Variants in SLC12A7 observed in about 807,000 individuals in gnomAD.
SLC12A7 encodes solute carrier family 12 member 7.
Under a neutral mutation model 120.6 loss-of-function variants are expected in SLC12A7, and 100 were observed. The observed-to-expected ratio is 0.83, with a 90% CI of 0.71 to 0.98. The LOEUF is 0.98. Ranked by LOEUF, SLC12A7 falls within the 50% of genes least tolerant of loss-of-function variation. The pLI is 0.00. For missense variants in SLC12A7, 1,373 were observed against 1,548.1 expected (o/e 0.89, Z 1.90); for synonymous variants, 760 against 678.0 (o/e 1.12, Z -1.88).
At chr5:1,126,619 C>T in the SLC12A7 span, among the ~76,000 whole-genome samples, 1 of 152,160 alleles carries the variant, frequency 6.6e-6, no homozygotes, top group Admixed American at 6.6e-5. Flanking sequence ...GTTATCTTTC[C>T]TGATCCTTCC....
At chr5:1,074,805 A>AG in intron 15 of SLC12A7, 134 bp from the exon 16 acceptor site, 1 of 804,838 alleles carries the variant, frequency 1.2e-6, no homozygotes, top group Non-Finnish European at 2.0e-6. Flanking sequence ...ATGAGGAGGG[A>AG]GGCCTCCATG....
At chr5:1,150,803 C>T in the SLC12A7 span, among the ~76,000 whole-genome samples, 2 of 152,220 alleles carry the variant, frequency 1.3e-5, no homozygotes, top group African/African-American at 2.4e-5. Context: ...GAGCCTGCCC[C>T]GTGGGGCTGG....
chr5:1,124,682 C>T, the SLC12A7 span, among the ~76,000 whole-genome samples: 4 of 152,100 alleles, frequency 2.6e-5, no homozygotes, highest in Admixed American at 1.3e-4. Flanking sequence ...AGTCCCTGAT[C>T]GCAGCAGACC....
chr5:1,097,523 A>G (rs935962195), intron 1 of SLC12A7, among the ~76,000 whole-genome samples: 6 of 152,188 alleles, frequency 3.9e-5, no homozygotes, highest in African/African-American at 1.2e-4. Flanking sequence ...CGATGTAACC[A>G]CCACAGGGTC....
chr5:1,087,187 G>T (rs532891885), intron 5 of SLC12A7, among the ~76,000 whole-genome samples, 154 bp from the exon 6 acceptor site: 25 of 152,332 alleles, frequency 1.6e-4, no homozygotes, highest in Non-Finnish European at 3.2e-4. Context: ...ACATGGAGAC[G>T]CTTCCACGGT....
At chr5:1,082,241 T>C (rs9686461) in intron 8 of SLC12A7, among the ~76,000 whole-genome samples, 14 of 140,414 alleles carry the variant, frequency 1.0e-4, no homozygotes, top group African/African-American at 3.8e-4. Context: ...CTGGAAAGCC[T>C]GGGCTTCCTC....
chr5:1,127,213 C>T, the SLC12A7 span, among the ~76,000 whole-genome samples: 2 of 152,158 alleles, frequency 1.3e-5, no homozygotes, highest in Admixed American at 6.5e-5. Flanking sequence ...CGGGGTTTCA[C>T]TGTGTTGACC....
At chr5:1,115,054 C>T (rs1302799829), upstream of SLC12A7, among the ~76,000 whole-genome samples, 1 of 152,212 alleles carries the variant, frequency 6.6e-6, no homozygotes, top group East Asian at 1.9e-4. Flanking sequence ...GCTGATGAAA[C>T]ACATTGGTGG....
the SLC12A7 span, among the ~76,000 whole-genome samples, chr5:1,122,360 C>T: frequency 1.2e-3 from 181 of 152,336 alleles, no homozygotes; most frequent in African/African-American, 4.2e-3. Context: ...AGCACAGCCC[C>T]CGCCACTGCG....
rs556545276 is a variant in SLC12A7 at position 1,089,239 on chromosome 5, G to C, written c.343-111C>G. 8 of 1,186,638 alleles carry C rather than the reference G, an allele frequency of 6.7e-6. No homozygotes were observed. The East Asian group carries it at 1.5e-4, about 22-fold the overall frequency. The allele number at this position is 1,186,638 out of a possible 1,614,324, so 73.5% of individuals were successfully genotyped here. A position where few individuals can be genotyped will look rare whatever the true frequency, so the allele number is the denominator to read the frequency against. On this transcript the variant is annotated intron_variant, in intron 3 of 23. Coordinates refer to ENST00000264930, the MANE Select transcript of SLC12A7 (RefSeq NM_006598.3). Reference sequence around the variant, plus strand: ...AGGCAAAGCGGCCGTGGGGGCAGGAGGGGGCAGGAGTCCTTCCCAGAACAG... The same window carrying C: ...AGGCAAAGCGGCCGTGGGGGCAGGACGGGGCAGGAGTCCTTCCCAGAACAG...
At chr5:1,149,001 C>T in the SLC12A7 span, among the ~76,000 whole-genome samples, 11 of 152,008 alleles carry the variant, frequency 7.2e-5, no homozygotes, top group East Asian at 1.9e-4. Context: ...TTTATGAATC[C>T]GTTCATCCAC....
rs41280366 is a variant in SLC12A7, at chr5:1,074,703, C to T, written c.1968-32G>A. ...GAAAGGAAGTCGGGGTTTGTCCAGC[C>T]GCGTACCTGGAGGCTCCTCTCCCAC... On this transcript the variant is annotated intron_variant, in intron 15 of 23. Coordinates refer to ENST00000264930, the MANE Select transcript of SLC12A7 (RefSeq NM_006598.3). The T allele has an allele frequency of 0.11, 178,573 of 1,599,786 alleles. 10,782 individuals carry two copies. Among genetic ancestry groups the T allele is most frequent in the Middle Eastern group, 0.18 (1,053 of 6,006 alleles).
the SLC12A7 span, among the ~76,000 whole-genome samples, chr5:1,124,661 G>A: frequency 1.3e-5 from 2 of 152,146 alleles, no homozygotes; most frequent in African/African-American, 2.4e-5. Context: ...CACAGGGGAG[G>A]GAGGCCCTGG....
chr5:1,145,843 G>A, the SLC12A7 span, among the ~76,000 whole-genome samples: 1 of 151,738 alleles, frequency 6.6e-6, no homozygotes, highest in Non-Finnish European at 1.5e-5. The surrounding 1 kb of genome is among the most constrained non-coding windows in gnomAD (Gnocchi z 4.4). Context: ...TTTTCTTTTT[G>A]GTATTTTTTG....
chr5:1,128,776 C>T, the SLC12A7 span, among the ~76,000 whole-genome samples: 3,359 of 152,254 alleles, frequency 0.022, 58 homozygotes, highest in Middle Eastern at 0.11. Context: ...TGGGAGTGGC[C>T]CCAAGTGCCT....
At position 1,078,723 on chromosome 5, in the gene SLC12A7, C is replaced by T; in HGVS notation, c.1432G>A (p.Glu478Lys). 1 of 1,612,242 alleles carries T rather than the reference C, an allele frequency of 6.2e-7. No homozygotes were observed. Among genetic ancestry groups the T allele is most frequent in the Non-Finnish European group, 8.5e-7 (1 of 1,179,804 alleles). The change falls in exon 11 of 24, where the codon GAA becomes AAA. Residue 478 changes from glutamate to lysine, a missense_variant. By Grantham distance (56) the Glu-to-Lys change is moderately conservative. Transcript: ENST00000264930. ...SCIVLFGACI[E>K]GVVLRDKFGE... ...TACTTATCTCGTAAGACCACGCCTT[C>T]AATGCAGGCCCCAAACAGCACAATG...
the SLC12A7 span, among the ~76,000 whole-genome samples, chr5:1,128,844 A>G: frequency 1.3e-5 from 2 of 152,216 alleles, no homozygotes; most frequent in African/African-American, 4.8e-5. Context: ...GTTTGCATAC[A>G]CACATATGTG....
the SLC12A7 span, among the ~76,000 whole-genome samples, chr5:1,150,555 C>T: frequency 6.6e-6 from 1 of 152,222 alleles, no homozygotes; most frequent in African/African-American, 2.4e-5. Flanking sequence ...GTCTCAAAAC[C>T]CAGGTCCCCT....
chr5:1,079,621 C>T (rs1431388398), intron 9 of SLC12A7, 125 bp from the exon 10 acceptor site: 2 of 769,744 alleles, frequency 2.6e-6, no homozygotes, highest in Non-Finnish European at 4.4e-6. Context: ...GCAGCCGAGG[C>T]TGCAGTCCAA....
Sources: gnomAD v4.1 joint callset for allele counts (sites outside exome capture counted in the v4.1 genomes callset) on GRCh38, gnomAD v4.1.1 for gene constraint, Gnocchi (gnomAD v3.1) non-coding constraint, MANE v1.5 for transcripts, NCBI Gene and HGNC (gene_info 2026-07-23, HGNC 2026-07-21) for gene names.